The following FYN variants were observed in gnomAD, a reference collection of about 807,000 sequenced individuals.
FYN encodes FYN proto-oncogene, Src family tyrosine kinase.
In FYN, 10 loss-of-function variants were observed where a neutral mutation model predicts 70.2. That is an observed-to-expected ratio of 0.14 (90% CI 0.09 to 0.24). FYN has a LOEUF of 0.24. Among genes scored for constraint, FYN ranks in the 10% least tolerant of loss-of-function variants. The pLI is 1.00. For synonymous variants in FYN, 236 were observed against 248.6 expected (o/e 0.95, Z 0.48); for missense variants, 319 against 673.1 (o/e 0.47, Z 5.82).
chr6:111,766,538 A>G (rs1365029812), intron 3 of FYN, among the ~76,000 whole-genome samples: 1 of 152,240 alleles, frequency 6.6e-6, no homozygotes, highest in Non-Finnish European at 1.5e-5. Context: ...CACTGCTAAT[A>G]AAGACATACA....
chr6:111,674,740 G>A, intron 12 of FYN, 110 bp from the exon 13 acceptor site: 1 of 1,207,442 alleles, frequency 8.3e-7, no homozygotes. Flanking sequence ...AGGTTTAGAG[G>A]GGAAGACAGA....
chr6:111,836,981 C>T (rs1025769256), intron 2 of FYN, among the ~76,000 whole-genome samples: 1 of 152,026 alleles, frequency 6.6e-6, no homozygotes, highest in Non-Finnish European at 1.5e-5. Flanking sequence ...TTTATTAATA[C>T]CAAATATAAG....
intron 2 of FYN, among the ~76,000 whole-genome samples, chr6:111,783,284 T>C (rs1771244183): frequency 6.6e-6 from 1 of 152,170 alleles, no homozygotes; most frequent in Non-Finnish European, 1.5e-5. Context: ...TCATACCCAA[T>C]ATCATGACAA....
chr6:111,816,023 T>G (rs1428015113), intron 2 of FYN, among the ~76,000 whole-genome samples: 4 of 152,338 alleles, frequency 2.6e-5, no homozygotes, highest in Non-Finnish European at 5.9e-5. Context: ...CAGCTACTGC[T>G]GAATTTCACT....
rs555939964 is a variant in FYN at position 111,734,636 on chromosome 6, C to T, written c.-11-14574G>A. ...TACAGGGTTGCTAGGTACAGCTGTT[C>T]TCCTTCTGAGCTGCTGGAGATGAAG... On this transcript the variant is annotated intron_variant, in intron 3 of 13. Transcript: ENST00000354650. 9.3e-5 allele frequency among the ~76,000 whole-genome samples: 14 copies of T among 151,184 alleles called. 1 individual carries two copies. The South Asian group carries it at 2.7e-3, about 29-fold the overall frequency.
At chr6:111,736,777 C>G (rs1203118526) in intron 3 of FYN, among the ~76,000 whole-genome samples, 1 of 152,212 alleles carries the variant, frequency 6.6e-6, no homozygotes, top group African/African-American at 2.4e-5. Context: ...TCTGGACGCA[C>G]TAAATGCACT....
intron 3 of FYN, among the ~76,000 whole-genome samples, chr6:111,746,030 C>T (rs11153316): frequency 0.12 from 18,368 of 152,216 alleles, 1,856 homozygotes; most frequent in African/African-American, 0.28. Flanking sequence ...AAGGAACCCA[C>T]GTACCTGGTA....
intron 8 of FYN, 159 bp downstream of exon 8, chr6:111,702,726 C>G (rs1182795062): frequency 5.3e-6 from 3 of 565,270 alleles, no homozygotes; most frequent in East Asian, 3.1e-5. Context: ...AGCAATAGAA[C>G]CTATACAGCC....
intron 3 of FYN, among the ~76,000 whole-genome samples, chr6:111,725,491 T>G (rs940468606): frequency 6.6e-6 from 1 of 151,284 alleles, no homozygotes; most frequent in Admixed American, 6.6e-5. Flanking sequence ...CAGGGAGGAC[T>G]GGGGAGGCTG....
At chr6:111,673,399 C>T (rs1798383779) in intron 13 of FYN, among the ~76,000 whole-genome samples, 1 of 152,122 alleles carries the variant, frequency 6.6e-6, no homozygotes, top group Non-Finnish European at 1.5e-5. Flanking sequence ...CAACTTGGCT[C>T]TCCTAGGAGT....
At chr6:111,748,613 T>C (rs1170273911) in intron 3 of FYN, among the ~76,000 whole-genome samples, 2 of 152,298 alleles carry the variant, frequency 1.3e-5, no homozygotes, top group African/African-American at 4.8e-5. Context: ...CCTGTGCTAA[T>C]AGGGTAAGCA....
chr6:111,662,505 T>C (rs1277214302), intron 13 of FYN, among the ~76,000 whole-genome samples: 1 of 152,196 alleles, frequency 6.6e-6, no homozygotes, highest in African/African-American at 2.4e-5. Context: ...TTCTATATTA[T>C]GTATGGGGTG....
intron 1 of FYN, among the ~76,000 whole-genome samples, chr6:111,852,907 C>T (rs1773722773): frequency 6.6e-6 from 1 of 152,198 alleles, no homozygotes; most frequent in South Asian, 2.1e-4. Flanking sequence ...CTTGGAAAGG[C>T]ATTCATGATA....
intron 6 of FYN, among the ~76,000 whole-genome samples, chr6:111,705,272 A>C (rs1323510433): frequency 2.0e-5 from 3 of 152,132 alleles, no homozygotes; most frequent in African/African-American, 7.2e-5. Flanking sequence ...AACGCCCATG[A>C]GTACTTACTT....
At chr6:111,852,148 G>T (rs1773703144) in intron 1 of FYN, among the ~76,000 whole-genome samples, 1 of 152,006 alleles carries the variant, frequency 6.6e-6, no homozygotes, top group South Asian at 2.1e-4. Flanking sequence ...GCACAGAGGG[G>T]GTTCCATTAT....
rs774364411 is a variant in FYN at position 111,674,560 on chromosome 6, G to A, written c.1344C>T (p.Asp448=). The A allele has an allele frequency of 8.7e-6, 14 of 1,613,890 alleles. No homozygotes were observed. Among genetic ancestry groups the A allele is most frequent in the African/African-American group, 8.0e-5 (6 of 74,900 alleles). ...ALYGRFTIKS[D]VWSFGILLTE... ...TGAGTAAGATTCCAAAAGACCACAC[G>A]TCAGACTTGATTGTGAACCTCCCGT... The change falls in exon 13 of 14, where the codon GAC becomes GAT. Residue 448 remains aspartate, a synonymous_variant. Transcript: ENST00000354650.
At chr6:111,869,240 C>T (rs761593222) in intron 1 of FYN, among the ~76,000 whole-genome samples, 1 of 152,358 alleles carries the variant, frequency 6.6e-6, no homozygotes, top group South Asian at 2.1e-4. Flanking sequence ...AAGAGGGCAG[C>T]TGAGTGACAG....
chr6:111,727,267 G>A (rs1801233456), intron 3 of FYN, among the ~76,000 whole-genome samples: 1 of 152,204 alleles, frequency 6.6e-6, no homozygotes, highest in Non-Finnish European at 1.5e-5. Context: ...TGACACTGAA[G>A]CAGCCCTTAA....
intron 1 of FYN, among the ~76,000 whole-genome samples, chr6:111,870,697 T>C (rs917885233): frequency 6.6e-6 from 1 of 152,168 alleles, no homozygotes; most frequent in Admixed American, 6.5e-5. Flanking sequence ...AAGGAGAAGA[T>C]GGAAACGGCT....
Sources: gnomAD v4.1 joint callset for allele counts (sites outside exome capture counted in the v4.1 genomes callset) on GRCh38, gnomAD v4.1.1 for gene constraint, MANE v1.5 for transcripts, NCBI Gene and HGNC (gene_info 2026-07-23, HGNC 2026-07-21) for gene names.